The following APBB2 variants were observed in gnomAD, a reference collection of about 807,000 sequenced individuals.
The protein encoded by APBB2 is Fe65-like 1.
In APBB2, 38 loss-of-function variants were observed where a neutral mutation model predicts 82.5. The ratio of observed to expected loss-of-function variants is 0.46; its 90% CI spans 0.36 to 0.60. APBB2 has a LOEUF of 0.60. Ranked by LOEUF, APBB2 falls within the 20% of genes least tolerant of loss-of-function variation. The pLI, the probability that APBB2 is intolerant of heterozygous loss-of-function variation, is 0.00. For missense variants in APBB2, 772 were observed against 972.3 expected, an observed-to-expected ratio of 0.79 and a Z score of 2.74; for synonymous variants, 341 against 368.2, an observed-to-expected ratio of 0.93 and a Z score of 0.85.
chr4:40,999,365 CCCAGTAGGTTGAGG>C (rs1804522108), intron 6 of APBB2, among the ~76,000 whole-genome samples: 1 of 152,156 alleles, frequency 6.6e-6, no homozygotes, highest in South Asian at 2.1e-4. Context: ...ACCATTTGAG[CCCAGTAGGTTGAGG>C]CTGCAGTGAG....
intron 7 of APBB2, among the ~76,000 whole-genome samples, chr4:40,944,232 G>C (rs1198149711): frequency 6.6e-6 from 1 of 152,210 alleles, no homozygotes; most frequent in Non-Finnish European, 1.5e-5. Flanking sequence ...TCACTGTGGG[G>C]ATCCTTATAC....
intron 12 of APBB2, among the ~76,000 whole-genome samples, chr4:40,858,132 T>C (rs1170195961): frequency 6.6e-6 from 1 of 151,990 alleles, no homozygotes; most frequent in East Asian, 1.9e-4. Flanking sequence ...CCCATATACA[T>C]GGAAGCAGAA....
At chr4:40,943,460 A>C (rs958022192) in intron 7 of APBB2, among the ~76,000 whole-genome samples, 1 of 152,220 alleles carries the variant, frequency 6.6e-6, no homozygotes, top group Non-Finnish European at 1.5e-5. Context: ...CCTTAGTGAG[A>C]ACAGAGATTG....
At chr4:41,029,360 A>C (rs1214751826) in intron 5 of APBB2, among the ~76,000 whole-genome samples, 1 of 152,240 alleles carries the variant, frequency 6.6e-6, no homozygotes, top group Non-Finnish European at 1.5e-5. Context: ...TGAACAAAAG[A>C]GGCAAAAGTT....
intron 2 of APBB2, among the ~76,000 whole-genome samples, chr4:41,105,937 A>T (rs1412872871): frequency 6.6e-6 from 1 of 152,046 alleles, no homozygotes; most frequent in East Asian, 1.9e-4. Flanking sequence ...CAGAAAATCC[A>T]GAGACTGTGT....
chr4:41,140,675 A>T (rs1758863137), intron 2 of APBB2, among the ~76,000 whole-genome samples: 1 of 152,198 alleles, frequency 6.6e-6, no homozygotes, highest in East Asian at 1.9e-4. Context: ...GCACAGCTTC[A>T]TTTGTATTTA....
At chr4:40,995,834 C>T (rs1272432056) in intron 6 of APBB2, among the ~76,000 whole-genome samples, 5 of 151,812 alleles carry the variant, frequency 3.3e-5, no homozygotes, top group Non-Finnish European at 7.4e-5. Flanking sequence ...CCGTGCCAGC[C>T]CTTAAACATT....
chr4:40,837,136 A>C (rs1754215433), intron 12 of APBB2, among the ~76,000 whole-genome samples: 2 of 152,350 alleles, frequency 1.3e-5, no homozygotes, highest in African/African-American at 4.8e-5. Context: ...CAGACTGTGC[A>C]AACCTAAACT....
At chr4:41,159,214 C>T (rs931295164) in intron 1 of APBB2, among the ~76,000 whole-genome samples, 2 of 152,178 alleles carry the variant, frequency 1.3e-5, no homozygotes, top group Non-Finnish European at 2.9e-5. Context: ...AGCCTTAAAT[C>T]GACCTTTCCC....
chr4:40,846,575 G>A (rs1340506671), intron 12 of APBB2, among the ~76,000 whole-genome samples: 1 of 152,070 alleles, frequency 6.6e-6, no homozygotes, highest in African/African-American at 2.4e-5. Flanking sequence ...AGGATCAACC[G>A]GTGACATGAA....
At chr4:41,100,964 A>AT (rs1745141592) in intron 2 of APBB2, among the ~76,000 whole-genome samples, 1 of 152,226 alleles carries the variant, frequency 6.6e-6, no homozygotes, top group African/African-American at 2.4e-5. Context: ...TCGCCTTATT[A>AT]AAGTTTCAAA....
At chr4:41,145,319 A>C (rs1283526694) in intron 1 of APBB2, among the ~76,000 whole-genome samples, 4 of 152,042 alleles carry the variant, frequency 2.6e-5, no homozygotes, top group African/African-American at 9.7e-5. Context: ...GAGAGGTAAA[A>C]TGTCTTTCCC....
At chr4:41,208,800 C>T (rs1310982858) in intron 1 of APBB2, among the ~76,000 whole-genome samples, 1 of 152,160 alleles carries the variant, frequency 6.6e-6, no homozygotes, top group Non-Finnish European at 1.5e-5. Flanking sequence ...TTTTCTATAC[C>T]ATTCATTTCT....
chr4:40,847,330 C>T (rs556581191), intron 12 of APBB2, among the ~76,000 whole-genome samples: 6 of 152,242 alleles, frequency 3.9e-5, no homozygotes, highest in African/African-American at 1.4e-4. Flanking sequence ...GGCATGGTGG[C>T]GCACACCTGT....
intron 1 of APBB2, among the ~76,000 whole-genome samples, chr4:41,167,435 A>G (rs751212542): frequency 8.5e-5 from 13 of 152,226 alleles, no homozygotes; most frequent in Non-Finnish European, 1.9e-4. Flanking sequence ...CCAAGAGTGA[A>G]TGATTAGCAC....
chr4:41,119,644 C>G (rs1457911014), intron 2 of APBB2, among the ~76,000 whole-genome samples: 2 of 151,612 alleles, frequency 1.3e-5, no homozygotes, highest in Non-Finnish European at 2.9e-5. Context: ...CATTAACATA[C>G]TCCACCATAC....
At chr4:40,997,190 T>C (rs1803864950) in intron 6 of APBB2, among the ~76,000 whole-genome samples, 1 of 152,164 alleles carries the variant, frequency 6.6e-6, no homozygotes, top group African/African-American at 2.4e-5. Context: ...CTAAGTTTAG[T>C]GTGTCGGGGA....
At chr4:41,174,374 C>T (rs1166745075) in intron 1 of APBB2, among the ~76,000 whole-genome samples, 1 of 152,148 alleles carries the variant, frequency 6.6e-6, no homozygotes, top group African/African-American at 2.4e-5. Flanking sequence ...AATGTTTACA[C>T]AAGAGAGGCT....
chr4:40,967,418 G>A (rs1794940340), intron 6 of APBB2, among the ~76,000 whole-genome samples: 1 of 152,202 alleles, frequency 6.6e-6, no homozygotes, highest in South Asian at 2.1e-4. Context: ...AGGCCTAGGA[G>A]CTCCCTGAGC....
Sources: allele counts gnomAD v4.1 joint callset (sites outside exome capture counted in the v4.1 genomes callset), GRCh38; gene constraint gnomAD v4.1.1; transcripts MANE v1.5; gene names NCBI Gene and HGNC (gene_info 2026-07-23, HGNC 2026-07-21).